The following ZNF423 variants were observed in gnomAD, a reference collection of about 807,000 sequenced individuals.
The protein encoded by ZNF423 is Ebf-associated zinc finger protein.
A neutral mutation model predicts 95.8 loss-of-function variants in ZNF423; 12 were observed. That is an observed-to-expected ratio of 0.13 (90% confidence interval 0.08 to 0.20). ZNF423 has a LOEUF of 0.20. Ranked by LOEUF, ZNF423 falls within the 10% of genes least tolerant of loss-of-function variation. The pLI, the probability that ZNF423 is intolerant of heterozygous loss-of-function variation, is 1.00. For missense variants in ZNF423, 1,316 were observed against 1,737.1 expected (o/e 0.76, Z 4.31); for synonymous variants, 749 against 711.9 (o/e 1.05, Z -0.83).
chr16:49,841,420 A>G (rs781550144), intron 1 of ZNF423, among the ~76,000 whole-genome samples: 1 of 152,152 alleles, frequency 6.6e-6, no homozygotes, highest in Non-Finnish European at 1.5e-5. Flanking sequence ...TGCTGGTAAA[A>G]AAGAAAGCCT....
At position 49,795,777 on chromosome 16, in the gene ZNF423, G is replaced by A. The variant is rs1505110; in HGVS notation, c.41-6231C>T. Among the ~76,000 whole-genome samples, 583 of 152,324 alleles carry A rather than the reference G, an allele frequency of 3.8e-3. 3 individuals are homozygous for A. The highest frequency in any genetic ancestry group is 0.012 in the African/African-American group (501 of 41,580). ...CAAGCTGTGGAGACTGATGGGCAAC[G>A]TCCAGCAGCCTCTGGACAAGGGCTG... On this transcript the variant is annotated intron_variant, in intron 1 of 7. Coordinates refer to ENST00000563137, the MANE Select transcript of ZNF423 (RefSeq NM_001379286.1).
At chr16:49,808,839 C>G (rs922366827) in intron 1 of ZNF423, among the ~76,000 whole-genome samples, 4 of 152,192 alleles carry the variant, frequency 2.6e-5, no homozygotes, top group African/African-American at 9.7e-5. Context: ...CCCAGGGACT[C>G]CAGCTGTGCA....
intron 5 of ZNF423, among the ~76,000 whole-genome samples, chr16:49,567,562 C>A (rs375766175): frequency 4.1e-4 from 63 of 152,262 alleles, no homozygotes; most frequent in African/African-American, 1.5e-3. Context: ...AGGAATCGGA[C>A]AACAAGCGGC....
rs543198040 is a variant in ZNF423 at position 49,490,562 on chromosome 16, C to G, written c.*713G>C. On this transcript the variant is annotated 3_prime_UTR_variant, in exon 8 of 8. Transcript: ENST00000563137. ...CACCTTACAGGAGCTGACAGCCCCC[C>G]ACGCGGCCCTAGGCTGGGGAGGAGA... 2.0e-5 allele frequency: 3 copies of G among 152,854 alleles called. No homozygotes were observed. Among genetic ancestry groups the G allele is most frequent in the African/African-American group, 4.8e-5 (2 of 41,562 alleles). 9.5% of individuals were successfully genotyped at this position (152,854 alleles called of 1,614,324 possible).
chr16:49,794,426 C>T (rs59914687), intron 1 of ZNF423, among the ~76,000 whole-genome samples: 18,481 of 152,058 alleles, frequency 0.12, 1,157 homozygotes, highest in East Asian at 0.23. Flanking sequence ...TGTCGGTCAC[C>T]TTGAGAATGG....
At chr16:49,537,089 C>T (rs1969078353) in intron 5 of ZNF423, among the ~76,000 whole-genome samples, 1 of 152,226 alleles carries the variant, frequency 6.6e-6, no homozygotes, top group African/African-American at 2.4e-5. Context: ...TGAACTTCTC[C>T]AACGTTCAAC....
At chr16:49,753,998 T>A (rs1166294897) in intron 2 of ZNF423, among the ~76,000 whole-genome samples, 1 of 138,308 alleles carries the variant, frequency 7.2e-6, no homozygotes, top group African/African-American at 2.8e-5. Flanking sequence ...GCCACTACAC[T>A]CCAGCCTGGG....
intron 1 of ZNF423, among the ~76,000 whole-genome samples, chr16:49,802,618 G>T (rs2143908036): frequency 6.6e-6 from 1 of 152,308 alleles, no homozygotes; most frequent in Non-Finnish European, 1.5e-5. Context: ...GGCTTTGGCA[G>T]CCTAGGACGC....
rs150279499 is a variant in ZNF423 at position 49,607,257 on chromosome 16, T to C, written c.3601+18913A>G. ...GTCCTTGCATAGTGAAAGGTGCCTT[T>C]TGTGGCTCACTGCAGCCCTGCATAA... On this transcript the variant is annotated intron_variant, in intron 5 of 7. Transcript: ENST00000563137. Among the ~76,000 whole-genome samples the C allele has an allele frequency of 4.2e-3, 643 of 152,228 alleles. 3 individuals are homozygous for C. Among genetic ancestry groups the C allele is most frequent in the Middle Eastern group, 0.01 (3 of 294 alleles).
intron 5 of ZNF423, among the ~76,000 whole-genome samples, chr16:49,604,326 G>A (rs1183566745): frequency 6.6e-6 from 1 of 152,154 alleles, no homozygotes; most frequent in Admixed American, 6.5e-5. Context: ...TCCAGGACAG[G>A]CCTGACCCAC....
Position 49,788,536 on chromosome 16 carries a change from G to A in ZNF423, c.100+951C>T, listed in dbSNP as rs147822320. Among the ~76,000 whole-genome samples, 718 of 152,318 alleles carry A rather than the reference G, an allele frequency of 4.7e-3. 2 individuals are homozygous for A. Among genetic ancestry groups the A allele is most frequent in the African/African-American group, 0.015 (630 of 41,558 alleles). On this transcript the variant is annotated intron_variant, in intron 2 of 7. Transcript: ENST00000563137. ...ACCGCGTTTCTGAAATACTGACCCA[G>A]AGCAAATCTCTCTTCCTGCTTCAGT...
At chr16:49,783,978 A>G (rs1157532788) in intron 2 of ZNF423, among the ~76,000 whole-genome samples, 1 of 151,882 alleles carries the variant, frequency 6.6e-6, no homozygotes, top group Admixed American at 6.6e-5. Context: ...CAAAAAAAAA[A>G]AAAAAGAAAA....
Position 49,635,585 on chromosome 16 carries a change from G to A in ZNF423, c.3516+75C>T. On this transcript the variant is annotated intron_variant, in intron 4 of 7. Transcript: ENST00000563137. The surrounding 1 kb of genome is among the most constrained non-coding windows in gnomAD (Gnocchi z 4.8). ...GCTTCTTGGAAACACGGCACTCAGG[G>A]TACGTGGCTCCTGTGGGGACCAGAG... The A allele has an allele frequency of 6.7e-7, 1 of 1,487,580 alleles. No individual in the cohort carries two copies. Among genetic ancestry groups the A allele is most frequent in the South Asian group, 1.4e-5 (1 of 71,448 alleles). The allele number at this position is 1,487,580 out of a possible 1,614,324, so 92.1% of individuals were successfully genotyped here. A position where few individuals can be genotyped will look rare whatever the true frequency, so the allele number is the denominator to read the frequency against.
intron 5 of ZNF423, among the ~76,000 whole-genome samples, chr16:49,540,038 G>A (rs976080642): frequency 1.3e-5 from 2 of 152,170 alleles, no homozygotes; most frequent in Admixed American, 6.5e-5. Flanking sequence ...AGTGAGAGGG[G>A]CCAATGTTCT....
At position 49,490,871 on chromosome 16, in the gene ZNF423, T is replaced by TG. The variant is rs5816643; in HGVS notation, c.*403dup. 114,108 of 134,410 alleles carry TG rather than the reference T, an allele frequency of 0.85. 48,224 individuals carry two copies. The highest frequency in any genetic ancestry group is 0.96 in the East Asian group (4,734 of 4,946). The allele number at this position is 134,410 out of a possible 1,614,324, so 8.3% of individuals were successfully genotyped here. A position where few individuals can be genotyped will look rare whatever the true frequency, so the allele number is the denominator to read the frequency against. The stretch of plus-strand genomic sequence containing the variant: ...TTAAAAAGTAGTTAACCGAAGGGGG[T>TG]GGGGGGTGGGGGGGAAGAAAAACAA... On this transcript the variant is annotated 3_prime_UTR_variant, in exon 8 of 8. Coordinates refer to ENST00000563137, the MANE Select transcript of ZNF423 (RefSeq NM_001379286.1).
At chr16:49,619,563 C>T (rs1971987415) in intron 5 of ZNF423, among the ~76,000 whole-genome samples, 1 of 151,022 alleles carries the variant, frequency 6.6e-6, no homozygotes, top group Non-Finnish European at 1.5e-5. Flanking sequence ...GTGACTATGC[C>T]CTAGTTTGGG....
intron 5 of ZNF423, among the ~76,000 whole-genome samples, chr16:49,555,451 G>C (rs936150868): frequency 6.6e-6 from 1 of 152,214 alleles, no homozygotes; most frequent in Non-Finnish European, 1.5e-5. Context: ...ATGAGCTTCT[G>C]TTGTCCTCTG....
intron 3 of ZNF423, among the ~76,000 whole-genome samples, chr16:49,701,859 G>A (rs2032193881): frequency 6.6e-6 from 1 of 151,922 alleles, no homozygotes; most frequent in South Asian, 2.1e-4. Flanking sequence ...CTTGCATGAA[G>A]AAAAAAAATC....
rs1443886748 is a variant in ZNF423, at chr16:49,492,465, G to A, written c.3850-1161C>T. ...CAGGTGATGCCAGTAGCCTCGCCCG[G>A]AGGCCGAGGCCGGGGCCGGGGCCGG... On this transcript the variant is annotated intron_variant, in intron 7 of 7. Transcript: ENST00000563137. The surrounding 1 kb of genome is among the most constrained non-coding windows in gnomAD (Gnocchi z 4.2). 6.6e-6 allele frequency among the ~76,000 whole-genome samples: 1 copy of A among 151,248 alleles called. No individual in the cohort carries two copies. The highest frequency in any genetic ancestry group is 1.5e-5 in the Non-Finnish European group (1 of 67,988).
Sources: allele counts gnomAD v4.1 joint callset (sites outside exome capture counted in the v4.1 genomes callset), GRCh38; gene constraint gnomAD v4.1.1; non-coding constraint Gnocchi (gnomAD v3.1); transcripts MANE v1.5; gene names NCBI Gene and HGNC (gene_info 2026-07-23, HGNC 2026-07-21).